SLC38A12: variants seen among roughly 807,000 people sequenced by gnomAD.
SLC38A12 encodes the protein solute carrier family 38 member 12, also known as putative sodium-coupled neutral amino acid transporter 12.
the SLC38A12 span, among the ~76,000 whole-genome samples, chr17:74,811,114 G>A: frequency 6.6e-6 from 1 of 152,318 alleles, no homozygotes; most frequent in South Asian, 2.1e-4. Context: ...CAGATTGCTT[G>A]AGCTCAGGAG....
At chr17:74,800,349 T>C in the SLC38A12 span, among the ~76,000 whole-genome samples, 1 of 152,250 alleles carries the variant, frequency 6.6e-6, no homozygotes, top group African/African-American at 2.4e-5. Flanking sequence ...ATGCCCTGTC[T>C]GCCCTGGTGC....
chr17:74,819,726 C>T, the SLC38A12 span: 7 of 1,611,598 alleles, frequency 4.3e-6, no homozygotes, highest in Non-Finnish European at 5.9e-6. Flanking sequence ...CTGCACCCTC[C>T]TCACTCTTGT....
chr17:74,787,599 G>C, the SLC38A12 span, among the ~76,000 whole-genome samples: 3 of 147,628 alleles, frequency 2.0e-5, no homozygotes, highest in Admixed American at 2.0e-4. Flanking sequence ...TCCGCAGTCC[G>C]GCCTGGGCGA....
the SLC38A12 span, among the ~76,000 whole-genome samples, chr17:74,801,532 G>C: frequency 3.0e-4 from 45 of 152,140 alleles, no homozygotes; most frequent in Non-Finnish European, 5.7e-4. Context: ...GCATGTGCCA[G>C]GTCCTGTTTG....
At chr17:74,813,232 TTGCC>T in the SLC38A12 span, among the ~76,000 whole-genome samples, 1 of 152,196 alleles carries the variant, frequency 6.6e-6, no homozygotes, top group African/African-American at 2.4e-5. Flanking sequence ...CCATGGGACA[TTGCC>T]CGCTTTTCAA....
At chr17:74,791,596 C>T in the SLC38A12 span, among the ~76,000 whole-genome samples, 1 of 152,270 alleles carries the variant, frequency 6.6e-6, no homozygotes, top group Non-Finnish European at 1.5e-5. Flanking sequence ...TAGAATAACA[C>T]CTTCTGACAG....
the SLC38A12 span, among the ~76,000 whole-genome samples, chr17:74,792,823 A>G: frequency 6.6e-6 from 1 of 152,198 alleles, no homozygotes. Context: ...AGCAAAACCA[A>G]CTGGTCAGGT....
the SLC38A12 span, among the ~76,000 whole-genome samples, chr17:74,792,943 A>G: frequency 1.3e-5 from 2 of 152,188 alleles, no homozygotes; most frequent in African/African-American, 2.4e-5. Context: ...CCCCTTCCAA[A>G]TGCAAGCTTT....
the SLC38A12 span, among the ~76,000 whole-genome samples, chr17:74,820,705 C>G: frequency 1.3e-5 from 2 of 152,194 alleles, no homozygotes; most frequent in South Asian, 4.1e-4. Flanking sequence ...CACAGAAGCA[C>G]TTGGCTCTAG....
At chr17:74,816,840 T>A in the SLC38A12 span, among the ~76,000 whole-genome samples, 60 of 152,290 alleles carry the variant, frequency 3.9e-4, no homozygotes, top group African/African-American at 1.3e-3. Context: ...TAATTTATAA[T>A]GTCATATGGG....
the SLC38A12 span, among the ~76,000 whole-genome samples, chr17:74,787,455 T>C: frequency 6.6e-6 from 1 of 151,072 alleles, no homozygotes; most frequent in Non-Finnish European, 1.5e-5. Context: ...ACCCCGTCTC[T>C]ACTAAAAATA....
chr17:74,824,055 G>T, the SLC38A12 span, among the ~76,000 whole-genome samples: 1 of 152,180 alleles, frequency 6.6e-6, no homozygotes, highest in Non-Finnish European at 1.5e-5. Flanking sequence ...GCCTCTCTGG[G>T]GGCTGGCCAT....
the SLC38A12 span, among the ~76,000 whole-genome samples, chr17:74,833,355 T>C: frequency 6.6e-6 from 1 of 152,256 alleles, no homozygotes; most frequent in Non-Finnish European, 1.5e-5. Flanking sequence ...GAAGTTGTTC[T>C]ACATCATTGT....
the SLC38A12 span, among the ~76,000 whole-genome samples, chr17:74,778,222 T>G: frequency 1.3e-5 from 2 of 152,188 alleles, no homozygotes; most frequent in Non-Finnish European, 2.9e-5. Context: ...CACACGCAGT[T>G]TATCTTCTCT....
chr17:74,826,589 G>A, the SLC38A12 span, among the ~76,000 whole-genome samples: 45,162 of 152,086 alleles, frequency 0.3, 6,967 homozygotes, highest in East Asian at 0.44. Flanking sequence ...TACAGGTCTG[G>A]AATGAAAACC....
At chr17:74,831,442 G>A in the SLC38A12 span, among the ~76,000 whole-genome samples, 6 of 152,258 alleles carry the variant, frequency 3.9e-5, no homozygotes, top group Admixed American at 1.3e-4. Context: ...TGGCTTTTGC[G>A]TTGGCTTTTA....
At chr17:74,777,613 C>A in the SLC38A12 span, 1 of 1,485,940 alleles carries the variant, frequency 6.7e-7, no homozygotes, top group South Asian at 1.2e-5. Flanking sequence ...ACAAAATCGC[C>A]ATGCTGTTTA....
At chr17:74,825,421 G>A in the SLC38A12 span, among the ~76,000 whole-genome samples, 1 of 152,226 alleles carries the variant, frequency 6.6e-6, no homozygotes, top group Admixed American at 6.5e-5. Context: ...CCATTTATAG[G>A]AGAGGAACCC....
At chr17:74,794,849 A>G in the SLC38A12 span, among the ~76,000 whole-genome samples, 2 of 152,166 alleles carry the variant, frequency 1.3e-5, no homozygotes, top group African/African-American at 4.8e-5. Flanking sequence ...AGAAAAAGAA[A>G]TAGGACTTTG....
Sources: allele counts gnomAD v4.1 joint callset (sites outside exome capture counted in the v4.1 genomes callset), GRCh38; gene constraint gnomAD v4.1.1; transcripts MANE v1.5; gene names NCBI Gene and HGNC (gene_info 2026-07-23, HGNC 2026-07-21).